NRXN3: variants seen among roughly 807,000 people sequenced by gnomAD.
NRXN3 encodes the protein neurexin 3.
NRXN3 carries 32 observed loss-of-function variants against 137.6 expected under a neutral mutation model. That is an observed-to-expected ratio of 0.23 (90% confidence interval 0.18 to 0.31). NRXN3 has a LOEUF of 0.31. NRXN3 is among the 10% of genes least tolerant of loss of function. The pLI, the probability that NRXN3 is intolerant of heterozygous loss-of-function variation, is 1.00. For synonymous variants in NRXN3, 798 were observed against 784.5 expected (o/e 1.02, Z -0.29); for missense variants, 1,574 against 2,062.5 (o/e 0.76, Z 4.59).
chr14:79,438,418 G>A (rs2095877526), intron 15 of NRXN3, among the ~76,000 whole-genome samples: 1 of 152,178 alleles, frequency 6.6e-6, no homozygotes, highest in Non-Finnish European at 1.5e-5. Flanking sequence ...GTTTGATAAA[G>A]TGCTTAATAA....
intron 15 of NRXN3, among the ~76,000 whole-genome samples, chr14:79,063,636 T>A (rs982961264): frequency 6.6e-6 from 1 of 152,170 alleles, no homozygotes; most frequent in African/African-American, 2.4e-5. Context: ...TTTCACCACA[T>A]CATCACAGGC....
At chr14:79,051,739 C>A (rs960599779) in intron 15 of NRXN3, among the ~76,000 whole-genome samples, 1 of 152,184 alleles carries the variant, frequency 6.6e-6, no homozygotes. Flanking sequence ...TAGTAATTCT[C>A]AAGGAAGGGC....
Position 79,213,137 on chromosome 14 carries a change from T to C in NRXN3, c.3262+224996T>C, listed in dbSNP as rs140328290. 3.0e-4 allele frequency among the ~76,000 whole-genome samples: 45 copies of C among 152,280 alleles called. 1 individual carries two copies. The East Asian group carries it at 7.7e-3, about 26-fold the overall frequency. ...AGAAAATAGAAAATACTCTATTTTC[T>C]TCCCCACCTCCATTTTTCCCCTGTC... On this transcript the variant is annotated intron_variant, in intron 15 of 20. Coordinates refer to ENST00000335750, the MANE Select transcript of NRXN3 (RefSeq NM_001330195.2).
chr14:78,348,975 C>A (rs17107424), intron 4 of NRXN3, among the ~76,000 whole-genome samples: 4,035 of 152,280 alleles, frequency 0.026, 149 homozygotes, highest in African/African-American at 0.087. Context: ...GGCACACAAG[C>A]AGCCAATTTA....
chr14:79,580,853 A>G (rs2097708917), intron 16 of NRXN3, among the ~76,000 whole-genome samples: 1 of 152,208 alleles, frequency 6.6e-6, no homozygotes, highest in African/African-American at 2.4e-5. Context: ...AGAATGAAAT[A>G]GAGTTGGGGA....
intron 4 of NRXN3, among the ~76,000 whole-genome samples, chr14:78,331,727 T>G (rs1319504876): frequency 6.6e-6 from 1 of 152,304 alleles, no homozygotes; most frequent in East Asian, 1.9e-4. Context: ...AGAAGGCATC[T>G]GAAGGACAAT....
intron 2 of NRXN3, among the ~76,000 whole-genome samples, chr14:78,262,122 G>A (rs1192240137): frequency 6.6e-6 from 1 of 152,214 alleles, no homozygotes; most frequent in East Asian, 1.9e-4. Flanking sequence ...GAGAAAGCCA[G>A]GCAGCGGGGC....
intron 15 of NRXN3, among the ~76,000 whole-genome samples, chr14:79,220,738 CT>C (rs1316081052): frequency 6.6e-6 from 1 of 151,772 alleles, no homozygotes; most frequent in Non-Finnish European, 1.5e-5. Flanking sequence ...TCTTCCATAT[CT>C]TTTTTTAATA....
chr14:79,207,313 C>T (rs569244744), intron 15 of NRXN3, among the ~76,000 whole-genome samples: 10 of 152,164 alleles, frequency 6.6e-5, no homozygotes, highest in Non-Finnish European at 7.3e-5. Context: ...ACCCCCACCC[C>T]GCCCCAAGCG....
chr14:78,512,699 C>T (rs945530207), intron 4 of NRXN3, among the ~76,000 whole-genome samples: 5 of 152,098 alleles, frequency 3.3e-5, no homozygotes, highest in South Asian at 2.1e-4. Context: ...AAAGGAAATG[C>T]GACAGATGTG....
chr14:79,620,155 TA>T (rs2098207619), intron 16 of NRXN3, among the ~76,000 whole-genome samples: 1 of 152,120 alleles, frequency 6.6e-6, no homozygotes, highest in Non-Finnish European at 1.5e-5. Context: ...CACGATTGAA[TA>T]ATTTCCAGAA....
intron 16 of NRXN3, among the ~76,000 whole-genome samples, chr14:79,652,930 T>G (rs1183016152): frequency 6.6e-6 from 1 of 152,036 alleles, no homozygotes; most frequent in African/African-American, 2.4e-5. Flanking sequence ...ACCTTTTGAA[T>G]TAGAATTACT....
At chr14:78,696,429 A>T (rs939657198) in intron 6 of NRXN3, among the ~76,000 whole-genome samples, 2 of 151,978 alleles carry the variant, frequency 1.3e-5, no homozygotes, top group Non-Finnish European at 2.9e-5. Context: ...TCTCACATCA[A>T]CCCTATGAGG....
intron 6 of NRXN3, among the ~76,000 whole-genome samples, chr14:78,699,003 A>C (rs1027505162): frequency 9.9e-5 from 15 of 151,820 alleles, no homozygotes; most frequent in African/African-American, 3.6e-4. Flanking sequence ...TCTTCTTCCC[A>C]TTTTTCCACC....
chr14:79,837,773 G>T (rs949925019), intron 20 of NRXN3, among the ~76,000 whole-genome samples: 2 of 152,110 alleles, frequency 1.3e-5, no homozygotes, highest in Non-Finnish European at 2.9e-5. Flanking sequence ...GAGACTGCAG[G>T]TTAATCAAAT....
intron 16 of NRXN3, among the ~76,000 whole-genome samples, chr14:79,553,423 A>G (rs1305982347): frequency 1.3e-5 from 2 of 152,168 alleles, no homozygotes. Context: ...ACGTTCAGCC[A>G]AAAATTACAC....
At position 79,759,444 on chromosome 14, in the gene NRXN3, TA is replaced by T. The variant is rs879273515; in HGVS notation, c.4015-45658del. On this transcript the variant is annotated intron_variant, in intron 19 of 20. Transcript: ENST00000335750. ...TGGTCCTAGGAGTATTCAGAGTAAA[TA>T]AAAAAAAAATACCTTACGTATACTT... Among the ~76,000 whole-genome samples the T allele has an allele frequency of 2.5e-3, 375 of 148,144 alleles. 7 individuals carry two copies. Among genetic ancestry groups the T allele is most frequent in the African/African-American group, 3.7e-3 (147 of 39,926 alleles).
At chr14:79,670,901 G>A (rs1013114970) in intron 17 of NRXN3, among the ~76,000 whole-genome samples, 1 of 152,114 alleles carries the variant, frequency 6.6e-6, no homozygotes, top group African/African-American at 2.4e-5. Flanking sequence ...GGGACTAAGA[G>A]ATTTTCCATC....
At chr14:79,565,592 A>G (rs2097544023) in intron 16 of NRXN3, among the ~76,000 whole-genome samples, 1 of 151,870 alleles carries the variant, frequency 6.6e-6, no homozygotes, top group Admixed American at 6.6e-5. Context: ...CACTTGCTCT[A>G]ATTTCAGTAG....
Sources: allele counts gnomAD v4.1 joint callset (sites outside exome capture counted in the v4.1 genomes callset), GRCh38; gene constraint gnomAD v4.1.1; transcripts MANE v1.5; gene names NCBI Gene and HGNC (gene_info 2026-07-23, HGNC 2026-07-21).